The following LRRC34 variants were observed in gnomAD, a reference collection of about 807,000 sequenced individuals.
The protein encoded by LRRC34 is leucine rich repeat containing 34, also known as leucine-rich repeat-containing protein 34.
Under a neutral mutation model 48.5 loss-of-function variants are expected in LRRC34, and 44 were observed. The ratio of observed to expected loss-of-function variants is 0.91; its 90% CI spans 0.71 to 1.17. The LOEUF is 1.17. Among genes scored for constraint, LRRC34 ranks in the 50% most tolerant of loss-of-function variants. LRRC34 has a pLI of 0.00. For synonymous variants in LRRC34, 192 were observed against 197.6 expected (o/e 0.97, Z 0.24); for missense variants, 502 against 563.0 (o/e 0.89, Z 1.10).
rs1393251655 is a variant in LRRC34, at chr3:169,808,690, G to A, written c.195C>T (p.Ser65=). ...GCAATATAAAAGGATTAATTTTCTG[G>A]GATTTTTCCATACACAGATTAGAAT... ...KHYSNLCMEK[S]QKINPFILHI... Residue 65 remains serine, a synonymous_variant, in exon 2 of 11, where the codon TCC becomes TCT. Coordinates refer to ENST00000446859, the MANE Select transcript of LRRC34 (RefSeq NM_001172779.2). The A allele has an allele frequency of 3.8e-6, 6 of 1,596,724 alleles. No homozygotes were observed. In the South Asian group the frequency reaches 5.6e-5, roughly 15 times the overall value.
intron 7 of LRRC34, among the ~76,000 whole-genome samples, 169 bp downstream of exon 7, chr3:169,800,490 A>G (rs961312973): frequency 2.0e-5 from 3 of 152,258 alleles, no homozygotes; most frequent in Non-Finnish European, 4.4e-5. Context: ...ACGTCTTACC[A>G]AGAATTGATA....
chr3:169,807,341 TA>T, intron 4 of LRRC34, 84 bp downstream of exon 4: 2 of 1,277,310 alleles, frequency 1.6e-6, no homozygotes, highest in Non-Finnish European at 2.3e-6. Flanking sequence ...TGACATCAGG[TA>T]AAACTAGTGT....
intron 10 of LRRC34, 35 bp downstream of exon 10, chr3:169,795,450 A>G (rs1426374686): frequency 3.8e-6 from 6 of 1,573,272 alleles, no homozygotes; most frequent in Non-Finnish European, 5.2e-6. Context: ...GATCCCAGAA[A>G]AAGCCTTCAG....
At position 169,796,295 on chromosome 3, in the gene LRRC34, T is replaced by C. The variant is rs1193835710; in HGVS notation, c.983A>G (p.Asp328Gly). 3 of 1,612,736 alleles carry C rather than the reference T, an allele frequency of 1.9e-6. No homozygotes were observed. Among genetic ancestry groups the C allele is most frequent in the Non-Finnish European group, 2.5e-6 (3 of 1,179,476 alleles). The change falls in exon 9 of 11, where the codon GAT becomes GGT. Residue 328 changes from aspartate to glycine, a missense_variant. Physicochemically the swap from Asp to Gly is moderately conservative, Grantham distance 94. Coordinates refer to ENST00000446859, the MANE Select transcript of LRRC34 (RefSeq NM_001172779.2). ...ATTTTCTATTCTGTTAAAGGAAAGA[T>C]CTATTACTTCCAGGGTAGTGTTGCT... ...LKSNTTLEVI[D>G]LSFNRIENAG...
At chr3:169,809,200 T>C (rs915732563) in intron 1 of LRRC34, among the ~76,000 whole-genome samples, 11 of 61,238 alleles carry the variant, frequency 1.8e-4, no homozygotes, top group Non-Finnish European at 5.7e-5. Context: ...TCAAGGTTTC[T>C]TTTTTTTTTT....
In LRRC34 at chr3:169,807,509, G is replaced by C; in HGVS notation, c.380-19C>G. 3 of 1,612,608 alleles carry C rather than the reference G, an allele frequency of 1.9e-6. No homozygotes were observed. Among genetic ancestry groups the C allele is most frequent in the Non-Finnish European group, 2.5e-6 (3 of 1,178,720 alleles). On this transcript the variant is annotated intron_variant, in intron 3 of 10. Transcript: ENST00000446859. ...TCCAAACCTGAAGCACAGATGAATA[G>C]AAGTGGATATTCATTATAAAGAATA...
rs759141342 is a variant in LRRC34 at position 169,796,794 on chromosome 3, A to G, written c.859T>C (p.Cys287Arg). 27 of 1,611,330 alleles carry G rather than the reference A, an allele frequency of 1.7e-5. No homozygotes were observed. In the South Asian group the frequency reaches 2.7e-4, roughly 16 times the overall value. Residue 287 changes from cysteine (C) to arginine (R), a missense_variant, in exon 8 of 11, where the codon TGT (cysteine) becomes CGT (arginine). By Grantham distance (180) the Cys-to-Arg change is radical (BLOSUM62 -3). Coordinates refer to ENST00000446859, the MANE Select transcript of LRRC34 (RefSeq NM_001172779.2). Reference sequence around the variant, plus strand: ...CTACTGTTCAGATACAGTGCATCACATAACTGTTGTATACCACTGTTTTTT... The same window carrying G: ...CTACTGTTCAGATACAGTGCATCACGTAACTGTTGTATACCACTGTTTTTT... ...DIKNSGIQQL[C>R]DALYLNSSLR...
chr3:169,807,920 A>AG, intron 2 of LRRC34: 1 of 540,768 alleles, frequency 1.8e-6, no homozygotes, highest in Non-Finnish European at 3.1e-6. Context: ...GTGCTTTAAA[A>AG]GATTCCATAT....
intron 10 of LRRC34, chr3:169,794,147 A>G (rs1446652321): frequency 4.7e-6 from 1 of 211,942 alleles, no homozygotes; most frequent in East Asian, 1.3e-4. Context: ...CAAAGCTCCT[A>G]TGGTCAAAAT....
At chr3:169,797,082 T>C (rs886551791) in intron 7 of LRRC34, 183 bp from the exon 8 acceptor site, 13 of 409,134 alleles carry the variant, frequency 3.2e-5, no homozygotes, top group Non-Finnish European at 4.2e-5. Context: ...ATGATATTTT[T>C]TACCTTCTCA....
chr3:169,793,093 G>C lies in LRRC34; in HGVS notation c.*542C>G, dbSNP rs1248850114. ...AGAAGTCAGGATAGTGGTTATGAGA[G>C]GAGAGTGGGAGAGCTGGCAGCACTG... is the stretch of plus-strand genomic sequence containing the variant. On this transcript the variant is annotated 3_prime_UTR_variant, in exon 11 of 11. Transcript: ENST00000446859. Among the ~76,000 whole-genome samples the C allele has an allele frequency of 6.6e-6, 1 of 152,186 alleles. No individual in the cohort carries two copies. The highest frequency in any genetic ancestry group is 1.5e-5 in the Non-Finnish European group (1 of 68,034).
intron 4 of LRRC34, 44 bp from the exon 5 acceptor site, chr3:169,806,975 T>C: frequency 8.0e-7 from 1 of 1,244,122 alleles, no homozygotes; most frequent in East Asian, 2.3e-5. Flanking sequence ...TTATTGGAAA[T>C]TGGTCAGTTT....
chr3:169,795,441 A>T lies in LRRC34; in HGVS notation c.1191+44T>A, dbSNP rs375907661. 151 of 1,563,416 alleles carry T rather than the reference A, an allele frequency of 9.7e-5. No homozygotes were observed. In the African/African-American group the frequency reaches 1.8e-3, roughly 19 times the overall value. On this transcript the variant is annotated intron_variant, in intron 10 of 10. Coordinates refer to ENST00000446859, the MANE Select transcript of LRRC34 (RefSeq NM_001172779.2). Reference sequence around the variant, plus strand: ...AATAATATCTGATGTTACAGAGATGATCCCAGAAAAAGCCTTCAGTGAAGG... The same window carrying T: ...AATAATATCTGATGTTACAGAGATGTTCCCAGAAAAAGCCTTCAGTGAAGG...
chr3:169,800,761 A>G lies in LRRC34; in HGVS notation c.658-7T>C. On this transcript the variant is annotated splice_polypyrimidine_tract_variant and splice_region_variant and intron_variant, in intron 6 of 10. Coordinates refer to ENST00000446859, the MANE Select transcript of LRRC34 (RefSeq NM_001172779.2). Reference sequence around the variant, plus strand: ...CTATCACACTTTGCATTCCCTAAAAACAGGTAAATTCATTAAGGAAACAGA... The same window carrying G: ...CTATCACACTTTGCATTCCCTAAAAGCAGGTAAATTCATTAAGGAAACAGA... 4 of 1,516,622 alleles carry G rather than the reference A, an allele frequency of 2.6e-6. No homozygotes were observed. The highest frequency in any genetic ancestry group is 3.5e-6 in the Non-Finnish European group (4 of 1,132,130). 93.9% of individuals were successfully genotyped at this position (1,516,622 alleles called of 1,614,324 possible).
Position 169,808,737 on chromosome 3 carries a change from C to A in LRRC34, c.148G>T (p.Glu50Ter). Residue 50 changes from glutamate (E) to a stop codon, truncating the protein, a stop_gained, in exon 2 of 11, where the codon GAA (glutamate) becomes TAA (stop). Transcript: ENST00000446859. LOFTEE classifies it high-confidence loss of function. Reference sequence around the variant, plus strand: ...GAATAATGTTTCTGGAGACCAGATTCTGGAGATTCTGAAAAATATATGCAT... The same window carrying A: ...GAATAATGTTTCTGGAGACCAGATTATGGAGATTCTGAAAAATATATGCAT... ...AALAVQRESP[E>*]SGLQKHYSNL... 1.3e-6 allele frequency: 2 copies of A among 1,538,050 alleles called. No homozygotes were observed. Among genetic ancestry groups the A allele is most frequent in the South Asian group, 2.3e-5 (2 of 85,668 alleles).
intron 1 of LRRC34, among the ~76,000 whole-genome samples, chr3:169,811,734 A>G (rs948745038): frequency 2.6e-5 from 4 of 152,224 alleles, no homozygotes; most frequent in African/African-American, 9.7e-5. Flanking sequence ...TGGGTGCCCT[A>G]TCCAGAATCC....
chr3:169,807,787 C>T lies in LRRC34; in HGVS notation c.258-78G>A, dbSNP rs530052238. 76 of 1,401,986 alleles carry T rather than the reference C, an allele frequency of 5.4e-5. No homozygotes were observed. The African/African-American group carries it at 1.1e-3, about 20-fold the overall frequency. 86.8% of individuals were successfully genotyped at this position (1,401,986 alleles called of 1,614,324 possible). ...CAGTAAAGAAGTAAAAGTATGTTTCCTTCATGTATAAATAGTCATATCACA... is the reference window on the plus strand; with the variant it reads ...CAGTAAAGAAGTAAAAGTATGTTTCTTTCATGTATAAATAGTCATATCACA... On this transcript the variant is annotated intron_variant, in intron 2 of 10. Transcript: ENST00000446859.
At position 169,812,251 on chromosome 3, in the gene LRRC34, C is replaced by T. The variant is rs1779612639; in HGVS notation, c.139+159G>A. ...CTTCTCCTGCCCTCGTTTCTGGGCG[C>T]CCCAAACCTCTGGCCACAGCTGGGG... is the stretch of plus-strand genomic sequence containing the variant. On this transcript the variant is annotated intron_variant, in intron 1 of 10. Coordinates refer to ENST00000446859, the MANE Select transcript of LRRC34 (RefSeq NM_001172779.2). This position sits in a 1 kb window ranked among gnomAD's most constrained non-coding sequence, Gnocchi z 4.3. 6.6e-6 allele frequency among the ~76,000 whole-genome samples: 1 copy of T among 152,270 alleles called. No individual in the cohort carries two copies. Among genetic ancestry groups the T allele is most frequent in the Admixed American group, 6.5e-5 (1 of 15,300 alleles).
intron 6 of LRRC34, 112 bp from the exon 7 acceptor site, chr3:169,800,866 A>C (rs1387634288): frequency 2.8e-6 from 2 of 711,520 alleles, no homozygotes; most frequent in Non-Finnish European, 4.6e-6. Flanking sequence ...TTAAAATTTA[A>C]GCATTCCTTG....
Sources: allele counts gnomAD v4.1 joint callset (sites outside exome capture counted in the v4.1 genomes callset), GRCh38; gene constraint gnomAD v4.1.1; non-coding constraint Gnocchi (gnomAD v3.1); transcripts MANE v1.5; gene names NCBI Gene and HGNC (gene_info 2026-07-23, HGNC 2026-07-21).